SDK1: variants seen among roughly 807,000 people sequenced by gnomAD.
SDK1 encodes protein sidekick-1.
In SDK1, 157 loss-of-function variants were observed where a neutral mutation model predicts 245.5. That is an observed-to-expected ratio of 0.64 (90% CI 0.56 to 0.73). SDK1 has a LOEUF of 0.73. SDK1 is among the 30% of genes least tolerant of loss of function. The pLI is 0.00. For missense variants in SDK1, 3,583 were observed against 3,002.3 expected (o/e 1.19, Z -4.52); for synonymous variants, 1,647 against 1,278.5 (o/e 1.29, Z -6.15).
chr7:3,953,319 G>A (rs184257094), intron 7 of SDK1, among the ~76,000 whole-genome samples: 3 of 152,288 alleles, frequency 2.0e-5, no homozygotes, highest in Admixed American at 1.3e-4. Context: ...ATACAATGCA[G>A]TGCAAACCTG....
At chr7:3,819,102 A>T (rs546150535) in intron 4 of SDK1, among the ~76,000 whole-genome samples, 4 of 152,354 alleles carry the variant, frequency 2.6e-5, no homozygotes, top group Admixed American at 2.6e-4. Flanking sequence ...TCATTTAAAA[A>T]GTCAGTCTCT....
chr7:3,771,627 A>G (rs1780407796), intron 4 of SDK1, among the ~76,000 whole-genome samples: 1 of 152,184 alleles, frequency 6.6e-6, no homozygotes, highest in African/African-American at 2.4e-5. Context: ...TGGAAAGAAT[A>G]TGCTTTGTCT....
At position 3,623,418 on chromosome 7, in the gene SDK1, A is replaced by G. The variant is rs147884627; in HGVS notation, c.458+4179A>G. 2.6e-3 allele frequency among the ~76,000 whole-genome samples: 389 copies of G among 151,690 alleles called. 2 individuals carry two copies. The highest frequency in any genetic ancestry group is 8.9e-3 in the African/African-American group (370 of 41,396). The stretch of plus-strand genomic sequence containing the variant: ...ACCACGCCTGGCTAATTTTTTTATT[A>G]TTAGTAGAGAAGGGGTTTCACCATG... On this transcript the variant is annotated intron_variant, in intron 2 of 44. Coordinates refer to ENST00000404826, the MANE Select transcript of SDK1 (RefSeq NM_152744.4).
intron 35 of SDK1, among the ~76,000 whole-genome samples, chr7:4,181,391 C>G (rs1270827518): frequency 1.3e-5 from 2 of 152,202 alleles, no homozygotes; most frequent in African/African-American, 4.8e-5. Context: ...TGTGAGTGTG[C>G]TGCTGTGAGT....
chr7:4,124,454 C>G (rs75138341), intron 25 of SDK1, among the ~76,000 whole-genome samples: 31,626 of 152,094 alleles, frequency 0.21, 3,651 homozygotes, highest in Middle Eastern at 0.29. Flanking sequence ...TCCCATGGCA[C>G]TCTCCCTGTT....
chr7:3,890,797 C>G (rs1260352706), intron 5 of SDK1, among the ~76,000 whole-genome samples: 1 of 152,128 alleles, frequency 6.6e-6, no homozygotes, highest in Non-Finnish European at 1.5e-5. Context: ...CAAAAATTAG[C>G]CAGGTGTTGT....
intron 4 of SDK1, among the ~76,000 whole-genome samples, chr7:3,760,889 C>T (rs540814452): frequency 5.6e-4 from 85 of 152,302 alleles, no homozygotes; most frequent in African/African-American, 1.8e-3. Flanking sequence ...TTCCTTTTAA[C>T]GCTGAGTAGT....
intron 25 of SDK1, among the ~76,000 whole-genome samples, chr7:4,123,500 G>A (rs567919107): frequency 5.1e-4 from 77 of 152,262 alleles, no homozygotes; most frequent in Non-Finnish European, 8.5e-4. Context: ...GGAGTGAGCC[G>A]GGTGGAGCCA....
At chr7:4,066,561 A>G (rs1779913193) in intron 19 of SDK1, among the ~76,000 whole-genome samples, 1 of 152,178 alleles carries the variant, frequency 6.6e-6, no homozygotes, top group South Asian at 2.1e-4. Context: ...AGGGCTTGGG[A>G]GTAACGGCAT....
chr7:3,913,950 G>A (rs1779278603), intron 5 of SDK1, among the ~76,000 whole-genome samples: 1 of 152,144 alleles, frequency 6.6e-6, no homozygotes, highest in African/African-American at 2.4e-5. Flanking sequence ...CCAGGGCCCA[G>A]GGCTGACTCT....
intron 32 of SDK1, among the ~76,000 whole-genome samples, chr7:4,164,592 G>T (rs532086007): frequency 1.3e-5 from 2 of 152,200 alleles, no homozygotes. Flanking sequence ...CTTTGTAGAC[G>T]TGGCGGCAGC....
intron 2 of SDK1, among the ~76,000 whole-genome samples, chr7:3,627,858 A>G (rs1782168865): frequency 6.6e-6 from 1 of 152,086 alleles, no homozygotes; most frequent in South Asian, 2.1e-4. Flanking sequence ...ACCCACCCCC[A>G]TTGGGCTATT....
At chr7:3,493,238 A>G (rs1464003926) in intron 1 of SDK1, among the ~76,000 whole-genome samples, 5 of 151,530 alleles carry the variant, frequency 3.3e-5, no homozygotes, top group Admixed American at 6.5e-5. Flanking sequence ...GGCGTCAACC[A>G]CCATGCCTGG....
intron 4 of SDK1, among the ~76,000 whole-genome samples, chr7:3,740,198 G>T (rs891838586): frequency 3.9e-5 from 6 of 152,144 alleles, no homozygotes; most frequent in Non-Finnish European, 7.3e-5. Flanking sequence ...GACGTACACT[G>T]TACGTCAAAT....
intron 17 of SDK1, among the ~76,000 whole-genome samples, chr7:4,038,989 G>C (rs79930248): frequency 0.054 from 8,201 of 152,098 alleles, 421 homozygotes; most frequent in African/African-American, 0.13. Context: ...TTCCTGAGTA[G>C]CAACTTTTTT....
Position 3,401,264 on chromosome 7 carries a change from A to G in SDK1, c.298+99380A>G, listed in dbSNP as rs554224710. On this transcript the variant is annotated intron_variant, in intron 1 of 44. Transcript: ENST00000404826. ...ATTTGGGGGAATACACAGAATTCCA[A>G]TCAAGATGAGTTGAGCATAATATCA... 1.3e-3 allele frequency among the ~76,000 whole-genome samples: 196 copies of G among 152,326 alleles called. 1 individual carries two copies. Among genetic ancestry groups the G allele is most frequent in the African/African-American group, 4.3e-3 (179 of 41,584 alleles).
At chr7:3,566,531 C>T (rs1007502173) in intron 1 of SDK1, among the ~76,000 whole-genome samples, 27 of 152,082 alleles carry the variant, frequency 1.8e-4, no homozygotes, top group African/African-American at 5.8e-4. Flanking sequence ...GGCCGATAAA[C>T]TTCTTAAAAA....
chr7:3,448,841 A>G (rs1335496260), intron 1 of SDK1, among the ~76,000 whole-genome samples: 1 of 152,186 alleles, frequency 6.6e-6, no homozygotes, highest in African/African-American at 2.4e-5. Context: ...TAGTAAGTTG[A>G]AAAGGTTATT....
intron 28 of SDK1, among the ~76,000 whole-genome samples, chr7:4,139,449 G>GTGTGTATATGTATATATGTGTGTGTATA (rs1779334277): frequency 8.2e-5 from 1 of 12,252 alleles, no homozygotes; most frequent in African/African-American, 2.1e-4. Flanking sequence ...GTGTGTATAT[G>GTGTGTATATGTATATATGTGTGTGTATA]TGTGTGTATA....
Sources: allele counts gnomAD v4.1 joint callset (sites outside exome capture counted in the v4.1 genomes callset), GRCh38; gene constraint gnomAD v4.1.1; transcripts MANE v1.5; gene names NCBI Gene and HGNC (gene_info 2026-07-23, HGNC 2026-07-21).